The following STPG2 variants were observed in gnomAD, a reference collection of about 807,000 sequenced individuals.
STPG2 encodes sperm-tail PG-rich repeat-containing protein 2.
STPG2 carries 56 observed loss-of-function variants against 54.2 expected under a neutral mutation model. That is an observed-to-expected ratio of 1.03 (90% CI 0.83 to 1.29). The LOEUF is 1.29. STPG2 is among the 50% of genes most tolerant of loss of function. The pLI is 0.00. For missense variants in STPG2, 596 were observed against 544.9 expected (o/e 1.09, Z -0.93); for synonymous variants, 200 against 181.8 (o/e 1.10, Z -0.81).
At chr4:98,045,352 A>G (rs927747986) in intron 5 of STPG2, among the ~76,000 whole-genome samples, 1 of 152,152 alleles carries the variant, frequency 6.6e-6, no homozygotes, top group Non-Finnish European at 1.5e-5. Flanking sequence ...TCCCTCTAAG[A>G]CAAACACCAA....
At chr4:97,556,903 G>T (rs1234695581), downstream of STPG2, among the ~76,000 whole-genome samples, 1 of 152,096 alleles carries the variant, frequency 6.6e-6, no homozygotes, top group Non-Finnish European at 1.5e-5. Flanking sequence ...AATAACCCTG[G>T]CCAGGCCTGG....
chr4:97,538,888 C>G (rs1005899863), intron 4 of STPG2, among the ~76,000 whole-genome samples: 3 of 152,032 alleles, frequency 2.0e-5, no homozygotes, highest in African/African-American at 4.8e-5. Context: ...GGCCAATATT[C>G]AACATTCTTA....
intron 8 of STPG2, chr4:97,916,759 T>A (rs968092510): frequency 2.6e-5 from 4 of 152,986 alleles, no homozygotes; most frequent in African/African-American, 9.7e-5. Flanking sequence ...CTGACTATAG[T>A]TCACGCTGAA....
intron 10 of STPG2, among the ~76,000 whole-genome samples, chr4:97,574,180 T>G (rs1238787057): frequency 6.6e-6 from 1 of 151,980 alleles, no homozygotes; most frequent in African/African-American, 2.4e-5. Context: ...TAAGAAATAA[T>G]AATTATGTGT....
intron 8 of STPG2, among the ~76,000 whole-genome samples, chr4:97,929,770 T>C (rs1732473498): frequency 6.6e-6 from 1 of 152,190 alleles, no homozygotes; most frequent in Non-Finnish European, 1.5e-5. Context: ...AGATGCTGCA[T>C]ATTAGACCTT....
chr4:97,459,112 A>G (rs1729596047), intron 4 of STPG2, among the ~76,000 whole-genome samples: 1 of 152,120 alleles, frequency 6.6e-6, no homozygotes, highest in South Asian at 2.1e-4. Context: ...TACACAATAT[A>G]TAATTTCCTA....
intron 8 of STPG2, among the ~76,000 whole-genome samples, chr4:97,933,936 T>A (rs1309484187): frequency 6.6e-6 from 1 of 152,242 alleles, no homozygotes; most frequent in African/African-American, 2.4e-5. Flanking sequence ...TAGCATTGAA[T>A]CTATAAATTA....
chr4:98,064,874 T>C (rs1737780414), intron 5 of STPG2, among the ~76,000 whole-genome samples: 1 of 152,060 alleles, frequency 6.6e-6, no homozygotes, highest in African/African-American at 2.4e-5. Context: ...AATTAAAAAA[T>C]TTTATAAAAT....
intron 9 of STPG2, among the ~76,000 whole-genome samples, chr4:97,789,613 T>C (rs1726930658): frequency 6.6e-6 from 1 of 152,132 alleles, no homozygotes; most frequent in Non-Finnish European, 1.5e-5. Flanking sequence ...ATTCTCAAAT[T>C]CTGAAAATAC....
rs1051042669 is a variant in STPG2 at position 97,752,407 on chromosome 4, T to C, written c.1205-39593A>G. On this transcript the variant is annotated intron_variant, in intron 9 of 10. Transcript: ENST00000295268. The stretch of plus-strand genomic sequence containing the variant: ...TCCAAAGTCACAGAGCTAGTTTTGT[T>C]AGATTTAGGAAGAGAAACAATTTCT... Among the ~76,000 whole-genome samples, 3 of 151,798 alleles carry C rather than the reference T, an allele frequency of 2.0e-5. No individual in the cohort carries two copies. The South Asian group carries it at 6.2e-4, about 31-fold the overall frequency.
intron 6 of STPG2, among the ~76,000 whole-genome samples, chr4:97,973,169 C>T (rs1022561191): frequency 2.0e-5 from 3 of 152,114 alleles, no homozygotes; most frequent in Non-Finnish European, 2.9e-5. Flanking sequence ...GACCAAAATG[C>T]TGACAGTGAT....
chr4:97,864,851 C>T (rs1178736398), intron 8 of STPG2, among the ~76,000 whole-genome samples: 1 of 152,080 alleles, frequency 6.6e-6, no homozygotes, highest in African/African-American at 2.4e-5. Context: ...AAAGGATTCC[C>T]TATTCAACAA....
rs111694719 is a variant in STPG2 at position 97,951,007 on chromosome 4, G to C, written c.934-7000C>G. 5.7e-3 allele frequency among the ~76,000 whole-genome samples: 864 copies of C among 152,238 alleles called. 6 individuals are homozygous for C. Among genetic ancestry groups the C allele is most frequent in the Middle Eastern group, 0.02 (6 of 294 alleles). Reference sequence around the variant, plus strand: ...AAGGTCAGTGTTTGAGATATTTACAGACCCTGCACTTGATGAATCAGCTGG... The same window carrying C: ...AAGGTCAGTGTTTGAGATATTTACACACCCTGCACTTGATGAATCAGCTGG... On this transcript the variant is annotated intron_variant, in intron 7 of 10. Transcript: ENST00000295268.
At chr4:97,930,559 C>A (rs1272888253) in intron 8 of STPG2, among the ~76,000 whole-genome samples, 2 of 152,270 alleles carry the variant, frequency 1.3e-5, no homozygotes, top group East Asian at 3.9e-4. Flanking sequence ...GTACCAGTGC[C>A]ATGCTGTTTT....
At chr4:97,963,160 A>AAAACAAACAAAC (rs36002563) in intron 7 of STPG2, among the ~76,000 whole-genome samples, 10 of 150,176 alleles carry the variant, frequency 6.7e-5, no homozygotes, top group East Asian at 2.0e-4. Context: ...CTCCATCTCA[A>AAAACAAACAAAC]AAACAAACAA....
chr4:98,073,141 T>C (rs1738060267), intron 5 of STPG2, among the ~76,000 whole-genome samples: 1 of 152,212 alleles, frequency 6.6e-6, no homozygotes, highest in African/African-American at 2.4e-5. Flanking sequence ...ATGTTTCACA[T>C]AGTTAATACT....
At chr4:97,682,002 T>C in intron 10 of STPG2, among the ~76,000 whole-genome samples, 1 of 151,918 alleles carries the variant, frequency 6.6e-6, no homozygotes, top group African/African-American at 2.4e-5. Flanking sequence ...TAATAAGCAA[T>C]ATTATTGAAA....
chr4:98,003,116 G>C (rs1735463820), intron 5 of STPG2, among the ~76,000 whole-genome samples: 1 of 152,046 alleles, frequency 6.6e-6, no homozygotes, highest in South Asian at 2.1e-4. Flanking sequence ...AGTGCCAACA[G>C]TTTAATGGCT....
At chr4:98,030,919 A>G (rs1449761749) in intron 5 of STPG2, among the ~76,000 whole-genome samples, 5 of 152,164 alleles carry the variant, frequency 3.3e-5, no homozygotes, top group Admixed American at 6.6e-5. Context: ...TTTAAAATTC[A>G]TATGGAACCA....
Sources: allele counts gnomAD v4.1 joint callset (sites outside exome capture counted in the v4.1 genomes callset), GRCh38; gene constraint gnomAD v4.1.1; transcripts MANE v1.5; gene names NCBI Gene and HGNC (gene_info 2026-07-23, HGNC 2026-07-21).